ADGRV1: variants seen among roughly 807,000 people sequenced by gnomAD.
ADGRV1 encodes the protein adhesion G protein-coupled receptor V1.
A neutral mutation model predicts 596.2 loss-of-function variants in ADGRV1; 359 were observed. That is an observed-to-expected ratio of 0.60 (90% CI 0.55 to 0.66). ADGRV1 has a LOEUF of 0.66. ADGRV1 is among the 30% of genes least tolerant of loss of function. The pLI is 0.00. For missense variants in ADGRV1, 7,274 were observed against 7,575.6 expected, an observed-to-expected ratio of 0.96 and a Z score of 1.48; for synonymous variants, 2,681 against 2,679.2, an observed-to-expected ratio of 1.00 and a Z score of -0.02.
At chr5:90,637,204 A>G (rs1406796686) in intron 10 of ADGRV1, among the ~76,000 whole-genome samples, 2 of 152,178 alleles carry the variant, frequency 1.3e-5, no homozygotes, top group Non-Finnish European at 2.9e-5. Context: ...CATGATAAAA[A>G]TATCTGATTT....
intron 25 of ADGRV1, among the ~76,000 whole-genome samples, chr5:90,677,887 G>A (rs1744447544): frequency 6.6e-6 from 1 of 152,148 alleles, no homozygotes; most frequent in African/African-American, 2.4e-5. Flanking sequence ...AACATGTCAA[G>A]TAGCTTATAG....
At chr5:90,934,088 GGTTTT>G (rs1358424323) in intron 83 of ADGRV1, among the ~76,000 whole-genome samples, 1 of 152,040 alleles carries the variant, frequency 6.6e-6, no homozygotes, top group Non-Finnish European at 1.5e-5. Context: ...CCTCTGCAGG[GGTTTT>G]GTCTGTTCTT....
intron 24 of ADGRV1, 70 bp downstream of exon 24, chr5:90,675,515 A>T: frequency 2.2e-6 from 3 of 1,351,444 alleles, no homozygotes; most frequent in Non-Finnish European, 3.1e-6. Flanking sequence ...TCTGGAAGGG[A>T]TATACACTGT....
chr5:90,820,483 A>G (rs1414366544), intron 75 of ADGRV1, among the ~76,000 whole-genome samples: 4 of 151,088 alleles, frequency 2.6e-5, no homozygotes, highest in Non-Finnish European at 4.4e-5. Context: ...GATTTTGCTC[A>G]TTAGTTGATG....
At chr5:90,929,026 T>C (rs1174320372) in intron 83 of ADGRV1, among the ~76,000 whole-genome samples, 38 of 150,398 alleles carry the variant, frequency 2.5e-4, no homozygotes, top group Non-Finnish European at 3.7e-4. Context: ...GAACCACTGC[T>C]CTCTTCAAAG....
intron 1 of ADGRV1, among the ~76,000 whole-genome samples, chr5:90,561,682 A>G (rs1474807988): frequency 1.3e-5 from 2 of 151,600 alleles, no homozygotes; most frequent in Non-Finnish European, 2.9e-5. Flanking sequence ...TATTTTATGC[A>G]CCAGGTCTGA....
chr5:91,104,404 A>G (rs1050907564), intron 87 of ADGRV1, among the ~76,000 whole-genome samples: 2 of 152,354 alleles, frequency 1.3e-5, no homozygotes, highest in African/African-American at 2.4e-5. Flanking sequence ...TAGCATATCT[A>G]TCATCTCAAA....
At position 90,628,565 on chromosome 5, in the gene ADGRV1, T is replaced by C. The variant is rs745906987; in HGVS notation, c.1242T>C (p.Tyr414=). Residue 414 remains tyrosine, a synonymous_variant, in exon 8 of 90, where the codon TAT becomes TAC. Coordinates refer to ENST00000405460, the MANE Select transcript of ADGRV1 (RefSeq NM_032119.4). ...VIIDEDRISR[Y]EEITVVRNGG... The stretch of plus-strand genomic sequence containing the variant: ...TATTTCTTTTAAAACATTTAAGATA[T>C]GAAGAAATCACAGTGGTTAGAAATG... 1.4e-5 allele frequency: 23 copies of C among 1,612,714 alleles called. No individual in the cohort carries two copies. Among genetic ancestry groups the C allele is most frequent in the African/African-American group, 8.0e-5 (6 of 74,908 alleles).
intron 70 of ADGRV1, among the ~76,000 whole-genome samples, chr5:90,802,517 C>T (rs1249045672): frequency 2.0e-5 from 3 of 152,164 alleles, no homozygotes; most frequent in African/African-American, 7.2e-5. Flanking sequence ...AGGTGTGGGC[C>T]ACTGTGCCCA....
chr5:90,970,875 G>C (rs1371912419), intron 84 of ADGRV1, among the ~76,000 whole-genome samples: 1 of 152,198 alleles, frequency 6.6e-6, no homozygotes, highest in Admixed American at 6.5e-5. Flanking sequence ...GACAAGTTGA[G>C]AGAAGAAGGC....
In ADGRV1 at chr5:90,635,100, T is replaced by C. The variant is rs369631116; in HGVS notation, c.1840-14T>C. ...ATCAATTCTTACTACTTTTTGTGTA[T>C]TTGTTTATTATAGTTGGAAACTGTG... On this transcript the variant is annotated splice_polypyrimidine_tract_variant and intron_variant, in intron 9 of 89. Coordinates refer to ENST00000405460, the MANE Select transcript of ADGRV1 (RefSeq NM_032119.4). The C allele has an allele frequency of 3.9e-6, 6 of 1,519,702 alleles. No individual in the cohort carries two copies. Among genetic ancestry groups the C allele is most frequent in the Non-Finnish European group, 5.4e-6 (6 of 1,102,394 alleles). 94.1% of individuals were successfully genotyped at this position (1,519,702 alleles called of 1,614,324 possible).
chr5:90,830,618 G>A (rs934290601), intron 77 of ADGRV1, among the ~76,000 whole-genome samples: 1 of 152,130 alleles, frequency 6.6e-6, no homozygotes, highest in Non-Finnish European at 1.5e-5. Context: ...TTCTTCATAA[G>A]TGATTCTTTG....
intron 87 of ADGRV1, among the ~76,000 whole-genome samples, chr5:91,142,118 G>A (rs951079216): frequency 6.6e-6 from 1 of 152,142 alleles, no homozygotes; most frequent in Non-Finnish European, 1.5e-5. Flanking sequence ...AGCTATAGTG[G>A]TGATAGAATT....
At chr5:90,713,580 G>A (rs551393265) in intron 42 of ADGRV1, among the ~76,000 whole-genome samples, 23 of 152,198 alleles carry the variant, frequency 1.5e-4, no homozygotes, top group African/African-American at 5.3e-4. Flanking sequence ...CTTTAGATGA[G>A]GCAGGAGCAG....
chr5:90,907,864 T>C (rs1460427202), intron 83 of ADGRV1, among the ~76,000 whole-genome samples: 1 of 152,090 alleles, frequency 6.6e-6, no homozygotes, highest in African/African-American at 2.4e-5. Context: ...TTATTTTTTG[T>C]TTTTGAAATA....
At chr5:90,811,844 A>C (rs2150233997) in intron 74 of ADGRV1, among the ~76,000 whole-genome samples, 1 of 152,112 alleles carries the variant, frequency 6.6e-6, no homozygotes, top group Non-Finnish European at 1.5e-5. Context: ...CAATAGCTTA[A>C]AATTTTAATA....
intron 83 of ADGRV1, among the ~76,000 whole-genome samples, chr5:90,965,112 A>C (rs1386357642): frequency 6.6e-6 from 1 of 152,190 alleles, no homozygotes; most frequent in African/African-American, 2.4e-5. Context: ...GCTAAAATAA[A>C]TGTATTTCAT....
At chr5:90,634,520 A>G (rs1765899589) in intron 9 of ADGRV1, among the ~76,000 whole-genome samples, 1 of 152,248 alleles carries the variant, frequency 6.6e-6, no homozygotes, top group South Asian at 2.1e-4. Context: ...GCATGAAGTT[A>G]TAAATGGAGT....
chr5:90,622,114 C>T (rs1264613383), intron 4 of ADGRV1, among the ~76,000 whole-genome samples: 1 of 152,200 alleles, frequency 6.6e-6, no homozygotes, highest in Non-Finnish European at 1.5e-5. Flanking sequence ...TTTGCTTTCA[C>T]CTCCTGCAGA....
Sources: allele counts gnomAD v4.1 joint callset (sites outside exome capture counted in the v4.1 genomes callset), GRCh38; gene constraint gnomAD v4.1.1; transcripts MANE v1.5; gene names NCBI Gene and HGNC (gene_info 2026-07-23, HGNC 2026-07-21).